Variants in BST1 observed in about 807,000 individuals in gnomAD.
BST1 encodes the protein ADP-ribosyl cyclase/cyclic ADP-ribose hydrolase 2.
Under a neutral mutation model 40.6 loss-of-function variants are expected in BST1, and 49 were observed. The observed-to-expected ratio is 1.21, with a 90% CI of 0.96 to 1.53. BST1 has a LOEUF of 1.53. BST1 is among the 40% of genes most tolerant of loss of function. BST1 has a pLI of 0.00. For missense variants in BST1, 423 were observed against 395.9 expected, an observed-to-expected ratio of 1.07 and a Z score of -0.58; for synonymous variants, 157 against 159.3, an observed-to-expected ratio of 0.99 and a Z score of 0.11.
At chr4:15,712,470 A>T (rs1252496795) in intron 4 of BST1, among the ~76,000 whole-genome samples, 1 of 152,112 alleles carries the variant, frequency 6.6e-6, no homozygotes, top group African/African-American at 2.4e-5. Flanking sequence ...TAGAATAGAG[A>T]TTACAAATAA....
At chr4:15,760,682 A>T in the BST1 span, among the ~76,000 whole-genome samples, 18 of 150,602 alleles carry the variant, frequency 1.2e-4, no homozygotes, top group Non-Finnish European at 1.9e-4. Context: ...TATATACTAT[A>T]TATTTATTTA....
the BST1 span, among the ~76,000 whole-genome samples, chr4:15,769,385 G>T: frequency 2.0e-5 from 3 of 152,212 alleles, no homozygotes; most frequent in Non-Finnish European, 4.4e-5. Flanking sequence ...GGCCCTGTTG[G>T]CATGGAGCTG....
the BST1 span, among the ~76,000 whole-genome samples, chr4:15,754,814 C>G: frequency 4.3e-4 from 66 of 152,244 alleles, no homozygotes; most frequent in South Asian, 1.2e-3. Flanking sequence ...CACTCCTGTC[C>G]CCTGTTCTGG....
intron 8 of BST1, chr4:15,731,420 AC>A: frequency 1.6e-6 from 1 of 643,562 alleles, no homozygotes; most frequent in South Asian, 1.6e-5. Context: ...GCTGCTGGTT[AC>A]CCAGGACACA....
intron 4 of BST1, among the ~76,000 whole-genome samples, chr4:15,712,714 T>C (rs1040617671): frequency 6.6e-6 from 1 of 152,188 alleles, no homozygotes; most frequent in Non-Finnish European, 1.5e-5. Flanking sequence ...TGGCTGCAGT[T>C]TGGAGCTAAG....
chr4:15,703,717 GGTGT>G (rs777541148), intron 1 of BST1, among the ~76,000 whole-genome samples: 46 of 127,786 alleles, frequency 3.6e-4, no homozygotes, highest in South Asian at 8.0e-4. Flanking sequence ...TAGAGGTGGG[GGTGT>G]GTGTGTGTGT....
At chr4:15,704,711 C>A (rs1719782141) in intron 1 of BST1, among the ~76,000 whole-genome samples, 1 of 152,018 alleles carries the variant, frequency 6.6e-6, no homozygotes, top group Non-Finnish European at 1.5e-5. Flanking sequence ...TACTCAGAAC[C>A]CAGAATGTGA....
At chr4:15,762,376 TG>T in the BST1 span, among the ~76,000 whole-genome samples, 6 of 151,832 alleles carry the variant, frequency 4.0e-5, no homozygotes, top group Non-Finnish European at 7.4e-5. Flanking sequence ...AGTATGATTA[TG>T]GGTGTTTTTC....
At chr4:15,754,043 C>G in the BST1 span, among the ~76,000 whole-genome samples, 9 of 152,182 alleles carry the variant, frequency 5.9e-5, no homozygotes, top group Admixed American at 2.0e-4. Context: ...GGGCAGAGAG[C>G]CAAAGGGAGA....
chr4:15,765,294 C>T, the BST1 span, among the ~76,000 whole-genome samples: 1 of 152,014 alleles, frequency 6.6e-6, no homozygotes, highest in Admixed American at 6.5e-5. Context: ...TGTCTCTTTA[C>T]TCTATCGGCA....
intron 3 of BST1, among the ~76,000 whole-genome samples, chr4:15,711,375 C>T (rs987540614): frequency 2.6e-5 from 4 of 152,078 alleles, no homozygotes; most frequent in Non-Finnish European, 4.4e-5. Context: ...CTTTCTTAAT[C>T]CTTTGTTTCC....
chr4:15,710,640 A>C (rs1720144687), intron 3 of BST1, among the ~76,000 whole-genome samples: 1 of 152,068 alleles, frequency 6.6e-6, no homozygotes, highest in African/African-American at 2.4e-5. Flanking sequence ...CTTCTATGAG[A>C]TCAGCTTTTG....
At chr4:15,718,877 A>C in intron 6 of BST1, 30 bp from the exon 7 acceptor site, 1 of 1,588,936 alleles carries the variant, frequency 6.3e-7, no homozygotes, top group South Asian at 1.1e-5. Context: ...TTATTTGCTT[A>C]CTTTTTAATT....
chr4:15,736,240 G>A (rs4273468), downstream of BST1: 142,093 of 725,796 alleles, frequency 0.2, 16,415 homozygotes, highest in East Asian at 0.56. Flanking sequence ...AATGTCCTAC[G>A]CTAGGGTCCT....
At chr4:15,720,281 C>A (rs1306291913) in intron 7 of BST1, among the ~76,000 whole-genome samples, 1 of 152,184 alleles carries the variant, frequency 6.6e-6, no homozygotes, top group African/African-American at 2.4e-5. Context: ...TGCTACCAAG[C>A]TCTTCCTTCC....
the BST1 span, among the ~76,000 whole-genome samples, chr4:15,762,620 G>A: frequency 6.6e-6 from 1 of 151,540 alleles, no homozygotes; most frequent in Non-Finnish European, 1.5e-5. Context: ...CTGACAATCA[G>A]CATTCTACTC....
At chr4:15,709,075 G>T (rs1276701701) in intron 3 of BST1, among the ~76,000 whole-genome samples, 1 of 152,146 alleles carries the variant, frequency 6.6e-6, no homozygotes, top group Admixed American at 6.5e-5. Context: ...CAATAAACAG[G>T]CAAGTGAAAT....
intron 8 of BST1, chr4:15,730,931 C>G: frequency 3.9e-6 from 1 of 254,584 alleles, no homozygotes. Context: ...TTTTTTTATA[C>G]TGGTAGCAGT....
intron 3 of BST1, among the ~76,000 whole-genome samples, chr4:15,711,102 T>C (rs1720176957): frequency 6.6e-6 from 1 of 152,212 alleles, no homozygotes; most frequent in Admixed American, 6.5e-5. Context: ...TTTTATCTAT[T>C]AATCAGTTGA....
Sources: allele counts gnomAD v4.1 joint callset (sites outside exome capture counted in the v4.1 genomes callset), GRCh38; gene constraint gnomAD v4.1.1; transcripts MANE v1.5; gene names NCBI Gene and HGNC (gene_info 2026-07-23, HGNC 2026-07-21).